Variants in MARCHF10 observed in about 807,000 individuals in gnomAD.
MARCHF10 encodes probable E3 ubiquitin-protein ligase MARCHF10.
MARCHF10 carries 64 observed loss-of-function variants against 76.2 expected under a neutral mutation model. The ratio of observed to expected loss-of-function variants is 0.84; its 90% CI spans 0.69 to 1.03. The LOEUF (loss-of-function observed/expected upper bound fraction) is 1.03, where lower values mean the gene tolerates loss of function less well. Among genes scored for constraint, MARCHF10 ranks in the 50% least tolerant of loss-of-function variants. The pLI is 0.00. For missense variants in MARCHF10, 875 were observed against 958.0 expected (o/e 0.91, Z 1.14); for synonymous variants, 340 against 357.5 (o/e 0.95, Z 0.55).
intron 3 of MARCHF10, among the ~76,000 whole-genome samples, chr17:62,766,312 C>T (rs2092330838): frequency 6.6e-6 from 1 of 151,996 alleles, no homozygotes; most frequent in Admixed American, 6.6e-5. Context: ...ACCAGCCCAA[C>T]CAACATGGAG....
chr17:62,796,314 A>G (rs954053468), intron 2 of MARCHF10, among the ~76,000 whole-genome samples: 1 of 152,122 alleles, frequency 6.6e-6, no homozygotes, highest in Admixed American at 6.5e-5. Flanking sequence ...TTGATTCTTA[A>G]ACCACTACTT....
At chr17:62,740,918 G>A (rs1314658649) in intron 5 of MARCHF10, among the ~76,000 whole-genome samples, 3 of 152,080 alleles carry the variant, frequency 2.0e-5, no homozygotes, top group Admixed American at 1.3e-4. Flanking sequence ...ATGACCCACC[G>A]TGTCTGGCCA....
intron 2 of MARCHF10, among the ~76,000 whole-genome samples, chr17:62,797,442 GA>G (rs2093004445): frequency 2.0e-5 from 3 of 152,220 alleles, no homozygotes. Flanking sequence ...CTGACCTTGT[GA>G]TCTGCCTGCC....
chr17:62,797,105 T>C (rs1041007387), intron 2 of MARCHF10, among the ~76,000 whole-genome samples: 3 of 152,068 alleles, frequency 2.0e-5, no homozygotes, highest in African/African-American at 7.2e-5. Context: ...AGTACTAGAG[T>C]GGTGGAAATA....
At chr17:62,788,775 C>A (rs971950390) in intron 2 of MARCHF10, among the ~76,000 whole-genome samples, 176 bp from the exon 3 acceptor site, 24 of 152,200 alleles carry the variant, frequency 1.6e-4, no homozygotes, top group African/African-American at 5.8e-4. Flanking sequence ...GCTTAAAACG[C>A]AGGTCAGGCC....
intron 3 of MARCHF10, among the ~76,000 whole-genome samples, chr17:62,760,781 C>G (rs897054743): frequency 3.3e-5 from 5 of 152,166 alleles, no homozygotes; most frequent in African/African-American, 1.2e-4. Context: ...GTATGACTTG[C>G]TAGGCTATCC....
intron 3 of MARCHF10, among the ~76,000 whole-genome samples, chr17:62,763,402 C>T (rs1028922279): frequency 6.6e-6 from 1 of 152,020 alleles, no homozygotes; most frequent in African/African-American, 2.4e-5. Flanking sequence ...TTATAAATGG[C>T]CAGTTGAAAT....
rs1416062801 is a variant in MARCHF10, at chr17:62,701,518, G to A, written c.*185C>T. 3 of 1,363,124 alleles carry A rather than the reference G, an allele frequency of 2.2e-6. No individual in the cohort carries two copies. The African/African-American group carries it at 4.3e-5, about 20-fold the overall frequency. The allele number at this position is 1,363,124 out of a possible 1,614,324, so 84.4% of individuals were successfully genotyped here. On this transcript the variant is annotated 3_prime_UTR_variant, in exon 11 of 11. Transcript: ENST00000311269. ...ACCTGTGCTGTCTGGGACTAGACTG[G>A]TCGCTGTGGCTGCCCATAGATGCTC...
At chr17:62,708,620 T>A (rs1053790243) in intron 9 of MARCHF10, among the ~76,000 whole-genome samples, 3 of 152,202 alleles carry the variant, frequency 2.0e-5, no homozygotes, top group African/African-American at 7.2e-5. Context: ...AGGCATTTTC[T>A]AGGCACTGGA....
At chr17:62,742,649 A>G (rs969268792) in intron 5 of MARCHF10, among the ~76,000 whole-genome samples, 3 of 151,316 alleles carry the variant, frequency 2.0e-5, no homozygotes, top group African/African-American at 7.3e-5. Flanking sequence ...CATTTCACAC[A>G]TGGAGACGCT....
At chr17:62,804,025 C>T (rs1324523520) in intron 1 of MARCHF10, among the ~76,000 whole-genome samples, 3 of 152,140 alleles carry the variant, frequency 2.0e-5, no homozygotes, top group African/African-American at 4.8e-5. Flanking sequence ...AACCCGGAGA[C>T]TCGCTCCAGT....
At chr17:62,747,193 T>C (rs940347726) in intron 4 of MARCHF10, among the ~76,000 whole-genome samples, 2 of 152,166 alleles carry the variant, frequency 1.3e-5, no homozygotes, top group Non-Finnish European at 2.9e-5. Flanking sequence ...ATTAGTATGA[T>C]TTGTGAGGCT....
chr17:62,787,446 T>C (rs1322288635), intron 3 of MARCHF10, among the ~76,000 whole-genome samples: 1 of 152,184 alleles, frequency 6.6e-6, no homozygotes, highest in African/African-American at 2.4e-5. Flanking sequence ...ATTTCAGGCA[T>C]AAAATATTAA....
At chr17:62,714,170 T>A (rs2090074267) in intron 8 of MARCHF10, among the ~76,000 whole-genome samples, 2 of 152,182 alleles carry the variant, frequency 1.3e-5, no homozygotes, top group Non-Finnish European at 1.5e-5. Flanking sequence ...GAGACTCTCC[T>A]GTGCGGCAGA....
intron 2 of MARCHF10, among the ~76,000 whole-genome samples, chr17:62,800,319 C>A (rs772596379): frequency 6.6e-6 from 1 of 152,170 alleles, no homozygotes; most frequent in African/African-American, 2.4e-5. Context: ...TTCCTACATG[C>A]CTGTTCTGGA....
At chr17:62,737,485 G>T in intron 5 of MARCHF10, 153 bp from the exon 6 acceptor site, 1 of 683,648 alleles carries the variant, frequency 1.5e-6, no homozygotes, top group Non-Finnish European at 2.5e-6. Flanking sequence ...TACAAGAGGA[G>T]CAGAGCCCAG....
intron 2 of MARCHF10, among the ~76,000 whole-genome samples, chr17:62,796,066 G>A (rs752776765): frequency 3.1e-4 from 47 of 151,472 alleles, no homozygotes; most frequent in Non-Finnish European, 5.3e-4. Flanking sequence ...GTGCAGTGGC[G>A]TCATCTCGGC....
chr17:62,723,559 C>CCTTTTTTTTTTTTTTT (rs2090598529), intron 7 of MARCHF10, among the ~76,000 whole-genome samples: 1 of 80,370 alleles, frequency 1.2e-5, no homozygotes, highest in South Asian at 4.3e-4. Flanking sequence ...GTTCGCTTGA[C>CCTTTTTTTTTTTTTTT]TTTTTTTTTT....
In MARCHF10 at chr17:62,714,052, G is replaced by A. The variant is rs1291354521; in HGVS notation, c.2215-2708C>T. Among the ~76,000 whole-genome samples, 3 of 152,362 alleles carry A rather than the reference G, an allele frequency of 2.0e-5. No individual in the cohort carries two copies. The East Asian group carries it at 5.8e-4, about 29-fold the overall frequency. Reference sequence around the variant, plus strand: ...TCAAATATATTCAAGAGTGCTCCTAGGTATAAGGGTGATTAGGTGACTGCG... The same window carrying A: ...TCAAATATATTCAAGAGTGCTCCTAAGTATAAGGGTGATTAGGTGACTGCG... On this transcript the variant is annotated intron_variant, in intron 8 of 10. Coordinates refer to ENST00000311269, the MANE Select transcript of MARCHF10 (RefSeq NM_152598.4).
Sources: allele counts gnomAD v4.1 joint callset (sites outside exome capture counted in the v4.1 genomes callset), GRCh38; gene constraint gnomAD v4.1.1; transcripts MANE v1.5; gene names NCBI Gene and HGNC (gene_info 2026-07-23, HGNC 2026-07-21).